PTPRN2: variants seen among roughly 807,000 people sequenced by gnomAD.
The protein encoded by PTPRN2 is protein tyrosine phosphatase receptor type N2.
A neutral mutation model predicts 118.8 loss-of-function variants in PTPRN2; 74 were observed. The observed-to-expected ratio is 0.62, with a 90% CI of 0.52 to 0.76. PTPRN2 has a LOEUF of 0.76. PTPRN2 is among the 30% of genes least tolerant of loss of function. The pLI, the probability that PTPRN2 is intolerant of heterozygous loss-of-function variation, is 0.00. For missense variants in PTPRN2, 1,481 were observed against 1,394.4 expected (o/e 1.06, Z -0.99); for synonymous variants, 641 against 608.0 (o/e 1.05, Z -0.80).
chr7:158,355,558 G>T (rs995900248), intron 2 of PTPRN2, among the ~76,000 whole-genome samples: 16 of 152,330 alleles, frequency 1.1e-4, no homozygotes, highest in Admixed American at 1.0e-3. Flanking sequence ...CAGCAACAAC[G>T]GCAGGAGAGG....
At chr7:157,669,589 C>T (rs750427089) in intron 13 of PTPRN2, 14 of 482,612 alleles carry the variant, frequency 2.9e-5, no homozygotes, top group Admixed American at 1.3e-4. Context: ...GCAAACAAGC[C>T]GAGTCAGCCC....
At chr7:157,818,152 T>G (rs1161412189) in intron 12 of PTPRN2, among the ~76,000 whole-genome samples, 1 of 151,344 alleles carries the variant, frequency 6.6e-6, no homozygotes, top group African/African-American at 2.4e-5. Context: ...TGTGCATGTG[T>G]GGTGTGTGTG....
chr7:158,375,809 A>G (rs1810456373), intron 2 of PTPRN2, among the ~76,000 whole-genome samples: 1 of 152,172 alleles, frequency 6.6e-6, no homozygotes, highest in South Asian at 2.1e-4. Context: ...GGCTGGGGAC[A>G]GTCAGAAAGG....
intron 6 of PTPRN2, among the ~76,000 whole-genome samples, chr7:158,165,811 C>T (rs1212615906): frequency 6.6e-6 from 1 of 152,196 alleles, no homozygotes; most frequent in African/African-American, 2.4e-5. Context: ...TCGCAGGAAC[C>T]CGCAAACGCC....
In PTPRN2 at chr7:158,525,226, C is replaced by T. The variant is rs1824679871; in HGVS notation, c.113-35441G>A. ...CCTGACCGCTCTGGAAGGAAAAGCA[C>T]CTCTGGCAAGTAGTCCAGAGGTGAA... On this transcript the variant is annotated intron_variant, in intron 1 of 22. Transcript: ENST00000389418. This position sits in a 1 kb window ranked among gnomAD's most constrained non-coding sequence, Gnocchi z 4.1. Among the ~76,000 whole-genome samples, 1 of 152,134 alleles carries T rather than the reference C, an allele frequency of 6.6e-6. No individual in the cohort carries two copies. Among genetic ancestry groups the T allele is most frequent in the Non-Finnish European group, 1.5e-5 (1 of 68,040 alleles).
chr7:158,067,490 C>T (rs1810859227), intron 11 of PTPRN2, among the ~76,000 whole-genome samples: 1 of 152,090 alleles, frequency 6.6e-6, no homozygotes, highest in Non-Finnish European at 1.5e-5. Flanking sequence ...ATGTTCTGAA[C>T]CTCTGGGGTG....
chr7:158,280,338 G>A (rs771160911), intron 3 of PTPRN2, among the ~76,000 whole-genome samples: 16 of 152,154 alleles, frequency 1.1e-4, no homozygotes, highest in Non-Finnish European at 1.9e-4. Context: ...AGGGGAGGCC[G>A]GCAGAGCCTG....
At chr7:157,642,476 T>C (rs1434529892) in intron 14 of PTPRN2, among the ~76,000 whole-genome samples, 2 of 152,214 alleles carry the variant, frequency 1.3e-5, no homozygotes, top group Non-Finnish European at 2.9e-5. Context: ...CAGGAGTCAC[T>C]GGACAGACCA....
chr7:158,411,763 G>T (rs1158884618), intron 2 of PTPRN2, among the ~76,000 whole-genome samples: 1 of 151,882 alleles, frequency 6.6e-6, no homozygotes, highest in Non-Finnish European at 1.5e-5. Flanking sequence ...CCAGGGCCCA[G>T]GTCTTATCCA....
chr7:158,006,917 C>G (rs1408534051), intron 11 of PTPRN2, among the ~76,000 whole-genome samples: 1 of 152,184 alleles, frequency 6.6e-6, no homozygotes. Context: ...TGGCGGGAAG[C>G]CTGCTAGTCT....
intron 2 of PTPRN2, among the ~76,000 whole-genome samples, chr7:158,402,703 G>A (rs1813043202): frequency 6.6e-6 from 1 of 152,224 alleles, no homozygotes; most frequent in Non-Finnish European, 1.5e-5. Flanking sequence ...GTCTGCAGCT[G>A]TCGTGCCTGC....
At chr7:157,823,748 A>T (rs139820661) in intron 12 of PTPRN2, among the ~76,000 whole-genome samples, 1 of 152,254 alleles carries the variant, frequency 6.6e-6, no homozygotes, top group Non-Finnish European at 1.5e-5. Flanking sequence ...CTTGATATAT[A>T]TAGTCTACCT....
intron 2 of PTPRN2, among the ~76,000 whole-genome samples, chr7:158,487,024 A>T (rs1821082870): frequency 6.6e-6 from 1 of 152,176 alleles, no homozygotes; most frequent in Non-Finnish European, 1.5e-5. Flanking sequence ...GGAATCATTC[A>T]GTATTTGTCC....
At chr7:158,010,349 C>T (rs1314534801) in intron 11 of PTPRN2, among the ~76,000 whole-genome samples, 1 of 152,216 alleles carries the variant, frequency 6.6e-6, no homozygotes, top group Admixed American at 6.5e-5. Context: ...AACCCACAGA[C>T]ACACAAATAA....
At chr7:157,883,801 A>T (rs1161352769) in intron 12 of PTPRN2, among the ~76,000 whole-genome samples, 1 of 150,546 alleles carries the variant, frequency 6.6e-6, no homozygotes, top group Non-Finnish European at 1.5e-5. Flanking sequence ...ACTGTCAGAG[A>T]CTAGAACACA....
chr7:158,441,612 A>AGTG (rs796173256), intron 2 of PTPRN2, among the ~76,000 whole-genome samples: 1 of 132,338 alleles, frequency 7.6e-6, no homozygotes, highest in Non-Finnish European at 1.6e-5. Flanking sequence ...TGGTGATGGC[A>AGTG]GTGGTGGTGG....
intron 13 of PTPRN2, among the ~76,000 whole-genome samples, chr7:157,663,343 T>G (rs1263567): frequency 6.6e-6 from 1 of 152,044 alleles, no homozygotes; most frequent in Non-Finnish European, 1.5e-5. Context: ...CACGTGCCCC[T>G]GGGAAGACGT....
chr7:158,458,561 G>A (rs1030852344), intron 2 of PTPRN2, among the ~76,000 whole-genome samples: 13 of 152,012 alleles, frequency 8.6e-5, no homozygotes, highest in African/African-American at 3.1e-4. Flanking sequence ...GATGTCCCAC[G>A]AAGTCGACCG....
At chr7:158,535,954 A>C (rs1285394886) in intron 1 of PTPRN2, among the ~76,000 whole-genome samples, 1 of 148,852 alleles carries the variant, frequency 6.7e-6, no homozygotes, top group Non-Finnish European at 1.5e-5. Context: ...TAAGATGAAG[A>C]AAAATAAAAT....
Sources: allele counts gnomAD v4.1 joint callset (sites outside exome capture counted in the v4.1 genomes callset), GRCh38; gene constraint gnomAD v4.1.1; non-coding constraint Gnocchi (gnomAD v3.1); transcripts MANE v1.5; gene names NCBI Gene and HGNC (gene_info 2026-07-23, HGNC 2026-07-21).